The following APLP2 variants were observed in gnomAD, a reference collection of about 807,000 sequenced individuals.
APLP2 encodes the protein CDEI box-binding protein.
A neutral mutation model predicts 89.9 loss-of-function variants in APLP2; 53 were observed. The observed-to-expected ratio is 0.59, with a 90% CI of 0.47 to 0.74. The LOEUF (loss-of-function observed/expected upper bound fraction) is 0.74. Among genes scored for constraint, APLP2 ranks in the 30% least tolerant of loss-of-function variants. The pLI, the probability that APLP2 is intolerant of heterozygous loss-of-function variation, is 0.00. For missense variants in APLP2, 973 were observed against 975.9 expected, an observed-to-expected ratio of 1.00 and a Z score of 0.04; for synonymous variants, 372 against 348.6, an observed-to-expected ratio of 1.07 and a Z score of -0.75.
At chr11:130,075,240 C>T (rs1941901834) in intron 1 of APLP2, among the ~76,000 whole-genome samples, 2 of 152,336 alleles carry the variant, frequency 1.3e-5, no homozygotes, top group South Asian at 4.1e-4. Context: ...GCCTCAAACT[C>T]CTGGGCTCAA....
intron 1 of APLP2, among the ~76,000 whole-genome samples, chr11:130,074,772 A>G (rs1941809526): frequency 6.6e-6 from 1 of 152,240 alleles, no homozygotes; most frequent in South Asian, 2.1e-4. Context: ...CATACTGCAT[A>G]TTGAAGCCAG....
At position 130,133,603 on chromosome 11, in the gene APLP2, C is replaced by G. The variant is rs780710614; in HGVS notation, c.1585-26C>G. On this transcript the variant is annotated intron_variant, in intron 11 of 16. Coordinates refer to ENST00000338167, the MANE Select transcript of APLP2 (RefSeq NM_001142276.2). ...GGCCTAGTTGTTTTCAGTCACAACA[C>G]CTCTCCACCATAACTCTGCTTCCAG... The G allele has an allele frequency of 9.3e-5, 147 of 1,580,214 alleles. 1 individual carries two copies. The South Asian group carries it at 1.5e-3, about 17-fold the overall frequency.
chr11:130,126,614 C>G (rs1402437573), intron 7 of APLP2, 86 bp from the exon 8 acceptor site: 1 of 1,509,592 alleles, frequency 6.6e-7, no homozygotes, highest in African/African-American at 1.4e-5. Flanking sequence ...AAATTGAGTC[C>G]ATCCTGCAGG....
intron 7 of APLP2, among the ~76,000 whole-genome samples, chr11:130,124,691 TCTTC>T (rs1212233144): frequency 2.0e-5 from 3 of 152,340 alleles, no homozygotes; most frequent in East Asian, 3.9e-4. Context: ...TCATGTTCCC[TCTTC>T]CTTCCTTCTA....
At chr11:130,089,224 T>G (rs930931291) in intron 1 of APLP2, among the ~76,000 whole-genome samples, 2 of 152,232 alleles carry the variant, frequency 1.3e-5, no homozygotes, top group Non-Finnish European at 2.9e-5. Flanking sequence ...TCATCATCTT[T>G]TGCCTGGATG....
rs936510985 is a variant in APLP2 at position 130,122,456 on chromosome 11, A to G, written c.865A>G (p.Thr289Ala). The G allele has an allele frequency of 1.9e-6, 3 of 1,614,144 alleles. No individual in the cohort carries two copies. Among genetic ancestry groups the G allele is most frequent in the Middle Eastern group, 1.6e-4 (1 of 6,062 alleles). The stretch of plus-strand genomic sequence containing the variant: ...AGATGACTACAATGAGGAGAATCCT[A>G]CTGAACCCGGCAGCGACGGCACCAT... ...KGDDYNEENPTEPGSDGTMSD... is the reference protein window; with the variant it reads ...KGDDYNEENPAEPGSDGTMSD... The change falls in exon 6 of 17, where the codon ACT (threonine) becomes GCT (alanine). Residue 289 changes from threonine (T) to alanine (A), a missense_variant. Transcript: ENST00000338167.
intron 3 of APLP2, among the ~76,000 whole-genome samples, chr11:130,119,132 G>C (rs181076266): frequency 6.6e-6 from 1 of 152,122 alleles, no homozygotes; most frequent in South Asian, 2.1e-4. Flanking sequence ...CACTAGCTGG[G>C]CCCTAAGCCC....
chr11:130,129,982 T>G, intron 10 of APLP2, 56 bp from the exon 11 acceptor site: 1 of 1,579,702 alleles, frequency 6.3e-7, no homozygotes, highest in Non-Finnish European at 8.7e-7. Flanking sequence ...TTTGTTTTCC[T>G]GCCTATTTTC....
rs752765205 is a variant in APLP2 at position 130,127,731 on chromosome 11, A to G, written c.1222-35A>G. 4 of 1,588,732 alleles carry G rather than the reference A, an allele frequency of 2.5e-6. No individual in the cohort carries two copies. In the African/African-American group the frequency reaches 4.0e-5, roughly 16 times the overall value. ...ATGGAGGAGTTGTTTCGGGGTATTA[A>G]TCACTGCTGACGGCGTTTTTGACCT... On this transcript the variant is annotated intron_variant, in intron 8 of 16. Coordinates refer to ENST00000338167, the MANE Select transcript of APLP2 (RefSeq NM_001142276.2).
At chr11:130,129,006 G>C (rs761018002) in intron 9 of APLP2, 42 bp from the exon 10 acceptor site, 2 of 1,586,654 alleles carry the variant, frequency 1.3e-6, no homozygotes, top group Admixed American at 3.4e-5. Context: ...GGCTTCCTCT[G>C]GGTGCCACAA....
intron 13 of APLP2, among the ~76,000 whole-genome samples, chr11:130,135,934 T>G (rs1374752201): frequency 6.6e-6 from 1 of 152,148 alleles, no homozygotes; most frequent in African/African-American, 2.4e-5. Flanking sequence ...TAAGACTAAT[T>G]CTCCCATTTC....
intron 11 of APLP2, among the ~76,000 whole-genome samples, chr11:130,132,492 G>T (rs1951036535): frequency 6.6e-6 from 1 of 152,128 alleles, no homozygotes; most frequent in African/African-American, 2.4e-5. Flanking sequence ...AGCTTGAAAA[G>T]CTTGTGGGAG....
intron 1 of APLP2, among the ~76,000 whole-genome samples, chr11:130,105,286 C>T (rs1947514978): frequency 6.6e-6 from 1 of 152,172 alleles, no homozygotes; most frequent in African/African-American, 2.4e-5. Flanking sequence ...TGTGATGGCG[C>T]ATGCCTGTGG....
intron 3 of APLP2, among the ~76,000 whole-genome samples, chr11:130,114,951 A>T (rs1591815110): frequency 6.6e-6 from 1 of 152,070 alleles, no homozygotes; most frequent in Non-Finnish European, 1.5e-5. Flanking sequence ...CTAGCCTTTG[A>T]GTTCATGACA....
Position 130,122,509 on chromosome 11 carries a change from CA to C in APLP2, c.921del (p.Ala308LeufsTer8). ...MSDKEITHDV[K>X]AVCSQEAMTG... is the part of the protein sequence containing the mutation. The stretch of plus-strand genomic sequence containing the variant: ...CAGACAAGGAAATTACTCATGATGT[CA>C]AAGGTAACCCCATGTAGAGCCATGG... On this transcript the variant is annotated frameshift_variant, in exon 6 of 17. Coordinates refer to ENST00000338167, the MANE Select transcript of APLP2 (RefSeq NM_001142276.2). LOFTEE classifies it high-confidence loss of function. 1 of 1,613,940 alleles carries C rather than the reference CA, an allele frequency of 6.2e-7. No homozygotes were observed. The highest frequency in any genetic ancestry group is 8.5e-7 in the Non-Finnish European group (1 of 1,179,868).
At chr11:130,120,448 G>A (rs929240238) in intron 3 of APLP2, among the ~76,000 whole-genome samples, 4 of 152,300 alleles carry the variant, frequency 2.6e-5, no homozygotes, top group African/African-American at 7.2e-5. Context: ...ACGTGTTGCT[G>A]TAGCCCTGCA....
At chr11:130,116,336 AC>A (rs1304804975) in intron 3 of APLP2, among the ~76,000 whole-genome samples, 12 of 152,078 alleles carry the variant, frequency 7.9e-5, no homozygotes, top group Non-Finnish European at 1.6e-4. Context: ...ATTTCTTGTA[AC>A]CCCATACTAT....
intron 1 of APLP2, among the ~76,000 whole-genome samples, chr11:130,089,321 G>C (rs1320350376): frequency 1.3e-5 from 2 of 152,072 alleles, no homozygotes; most frequent in Admixed American, 6.6e-5. Context: ...GCATAGCAGG[G>C]TCATGCACAC....
chr11:130,084,635 G>A (rs1210971546), intron 1 of APLP2, among the ~76,000 whole-genome samples: 2 of 151,904 alleles, frequency 1.3e-5, no homozygotes, highest in Non-Finnish European at 2.9e-5. Context: ...TGTTTTGAAC[G>A]AATGAAAACA....
Sources: gnomAD v4.1 joint callset for allele counts (sites outside exome capture counted in the v4.1 genomes callset) on GRCh38, gnomAD v4.1.1 for gene constraint, MANE v1.5 for transcripts, NCBI Gene and HGNC (gene_info 2026-07-23, HGNC 2026-07-21) for gene names.